Variants in PCDHA11 observed in about 807,000 individuals in gnomAD.
PCDHA11 encodes the protein protocadherin alpha-11.
Under a neutral mutation model 70.3 loss-of-function variants are expected in PCDHA11, and 61 were observed. The observed-to-expected ratio is 0.87, with a 90% CI of 0.71 to 1.07. The LOEUF is 1.07. Ranked by LOEUF, PCDHA11 falls within the 50% of genes least tolerant of loss-of-function variation. The pLI is 0.00. For missense variants in PCDHA11, 1,324 were observed against 1,237.5 expected (o/e 1.07, Z -1.05); for synonymous variants, 633 against 555.1 (o/e 1.14, Z -1.97).
chr5:140,930,423 A>G (rs1366004853), intron 1 of PCDHA11: 3 of 151,862 alleles, frequency 2.0e-5, no homozygotes, highest in African/African-American at 7.3e-5. Flanking sequence ...GGGTCTCACT[A>G]TGTTGCCCAG....
chr5:140,877,674 G>T (rs2057278019), intron 1 of PCDHA11: 2 of 1,613,630 alleles, frequency 1.2e-6, no homozygotes, highest in East Asian at 4.5e-5. Flanking sequence ...GGTGCGCGCC[G>T]GGCAAGCCCA....
At chr5:140,936,875 C>T (rs1052156307) in intron 1 of PCDHA11, among the ~76,000 whole-genome samples, 13 of 151,832 alleles carry the variant, frequency 8.6e-5, no homozygotes, top group Non-Finnish European at 1.5e-5. Flanking sequence ...TTTAAAAAAC[C>T]CTGCTTTGAT....
At chr5:140,928,830 TTCC>T in intron 1 of PCDHA11, 1 of 1,614,124 alleles carries the variant, frequency 6.2e-7, no homozygotes, top group Non-Finnish European at 8.5e-7. Flanking sequence ...ACCCACCACT[TTCC>T]TCCTCTGTCA....
chr5:140,980,878 G>A (rs528577692), intron 2 of PCDHA11, among the ~76,000 whole-genome samples: 6 of 152,118 alleles, frequency 3.9e-5, no homozygotes, highest in East Asian at 1.9e-4. Context: ...GGGTGTTCTC[G>A]GTCTTTCCAG....
intron 1 of PCDHA11, among the ~76,000 whole-genome samples, chr5:140,970,414 A>G (rs2096403953): frequency 6.6e-6 from 1 of 152,224 alleles, no homozygotes; most frequent in South Asian, 2.1e-4. Context: ...CCCTACAGTA[A>G]GGTGTAGAGG....
chr5:140,883,568 T>C, intron 1 of PCDHA11: 3 of 1,614,110 alleles, frequency 1.9e-6, no homozygotes, highest in Non-Finnish European at 2.5e-6. Context: ...GGGCTCGCCT[T>C]CGCTGTGGGC....
chr5:141,000,485 T>C (rs2097941579), intron 3 of PCDHA11, among the ~76,000 whole-genome samples: 2 of 135,980 alleles, frequency 1.5e-5, no homozygotes, highest in African/African-American at 5.5e-5. Flanking sequence ...TGGAGTGCAA[T>C]GGTAAGATCT....
rs563652109 is a variant in PCDHA11 at position 140,884,316 on chromosome 5, C to G, written c.2391+12822C>G. 26 of 1,613,752 alleles carry G rather than the reference C, an allele frequency of 1.6e-5. 2 individuals carry two copies. The South Asian group carries it at 2.5e-4, about 16-fold the overall frequency. On this transcript the variant is annotated intron_variant, in intron 1 of 3. Transcript: ENST00000398640. ...GCGCCACAGGCTTCGTCGAGGGCGT[C>G]GGCAGGCGCTGTGGGTCCAGAAGCG...
At chr5:140,945,377 C>T (rs1183566005) in intron 1 of PCDHA11, among the ~76,000 whole-genome samples, 3 of 151,814 alleles carry the variant, frequency 2.0e-5, no homozygotes, top group African/African-American at 7.3e-5. Context: ...CCATATTACC[C>T]AAAGCAATAT....
At chr5:140,913,966 A>C (rs2076538227) in intron 1 of PCDHA11, among the ~76,000 whole-genome samples, 1 of 152,156 alleles carries the variant, frequency 6.6e-6, no homozygotes, top group Non-Finnish European at 1.5e-5. Context: ...TTTTTAAAAA[A>C]ATATTTTAGG....
chr5:140,992,116 T>A (rs1279382326), intron 3 of PCDHA11, among the ~76,000 whole-genome samples: 1 of 151,688 alleles, frequency 6.6e-6, no homozygotes, highest in Non-Finnish European at 1.5e-5. Context: ...AGATGTGTCA[T>A]GGAAGAACAG....
intron 1 of PCDHA11, among the ~76,000 whole-genome samples, chr5:140,918,027 G>A (rs782291548): frequency 8.5e-5 from 13 of 152,226 alleles, no homozygotes; most frequent in African/African-American, 1.9e-4. Context: ...ACCCATGAGC[G>A]TGGAAGGTCT....
intron 1 of PCDHA11, chr5:140,876,256 A>T: frequency 1.9e-6 from 3 of 1,614,042 alleles, no homozygotes; most frequent in Non-Finnish European, 2.5e-6. Context: ...CACAAGAGTG[A>T]TCCAACTAAA....
At chr5:140,890,784 T>C (rs2062805881) in intron 1 of PCDHA11, among the ~76,000 whole-genome samples, 1 of 152,212 alleles carries the variant, frequency 6.6e-6, no homozygotes, top group South Asian at 2.1e-4. Flanking sequence ...CCATAAGATA[T>C]TAGTATTATT....
chr5:140,881,099 C>G (rs1554171750), intron 1 of PCDHA11, among the ~76,000 whole-genome samples: 1 of 152,108 alleles, frequency 6.6e-6, no homozygotes, highest in East Asian at 1.9e-4. Flanking sequence ...TTCATTACAC[C>G]ATTTGGCCTG....
intron 1 of PCDHA11, chr5:140,966,689 G>A (rs1002366053): frequency 2.2e-6 from 3 of 1,343,650 alleles, no homozygotes; most frequent in Non-Finnish European, 2.9e-6. Context: ...GAGCGGAGGC[G>A]GGGCCCGGGC....
At chr5:140,913,857 T>C (rs1374392004) in intron 1 of PCDHA11, among the ~76,000 whole-genome samples, 3 of 152,208 alleles carry the variant, frequency 2.0e-5, no homozygotes, top group Admixed American at 6.5e-5. Context: ...CAGGAGCATA[T>C]TGTTTAATTT....
intron 1 of PCDHA11, chr5:140,968,458 T>C: frequency 6.2e-7 from 1 of 1,614,148 alleles, no homozygotes; most frequent in East Asian, 2.2e-5. Flanking sequence ...GCACTGTGAC[T>C]GCCAACGTAT....
chr5:140,869,043 A>G lies in PCDHA11; in HGVS notation c.-61A>G. 2 of 1,530,132 alleles carry G rather than the reference A, an allele frequency of 1.3e-6. No homozygotes were observed. Among genetic ancestry groups the G allele is most frequent in the Non-Finnish European group, 1.8e-6 (2 of 1,142,678 alleles). 94.8% of individuals were successfully genotyped at this position (1,530,132 alleles called of 1,614,324 possible). The stretch of plus-strand genomic sequence containing the variant: ...AATTCAACGAGATTTTTAACCTGAA[A>G]CTGAAGAATCTGGTACTGTAAGTGT... On this transcript the variant is annotated 5_prime_UTR_variant, in exon 1 of 4. Coordinates refer to ENST00000398640, the MANE Select transcript of PCDHA11 (RefSeq NM_018902.5).
Sources: allele counts gnomAD v4.1 joint callset (sites outside exome capture counted in the v4.1 genomes callset), GRCh38; gene constraint gnomAD v4.1.1; transcripts MANE v1.5; gene names NCBI Gene and HGNC (gene_info 2026-07-23, HGNC 2026-07-21).